The following TTYH3 variants were observed in gnomAD, a reference collection of about 807,000 sequenced individuals.
The protein encoded by TTYH3 is protein tweety homolog 3.
Under a neutral mutation model 68.2 loss-of-function variants are expected in TTYH3, and 23 were observed. The observed-to-expected ratio is 0.34, with a 90% CI of 0.24 to 0.48. TTYH3 has a LOEUF of 0.48. Ranked by LOEUF, TTYH3 falls within the 20% of genes least tolerant of loss-of-function variation. The pLI, the probability that TTYH3 is intolerant of heterozygous loss-of-function variation, is 0.99. For synonymous variants in TTYH3, 360 were observed against 332.8 expected (o/e 1.08, Z -0.89); for missense variants, 768 against 727.7 (o/e 1.06, Z -0.64).
chr7:2,638,467 A>G (rs1471217996), intron 1 of TTYH3, among the ~76,000 whole-genome samples: 4 of 151,956 alleles, frequency 2.6e-5, no homozygotes, highest in African/African-American at 9.7e-5. Context: ...CCTCAGCCCC[A>G]GGGCTGCCTC....
intron 1 of TTYH3, among the ~76,000 whole-genome samples, chr7:2,643,681 T>C (rs1684717123): frequency 6.6e-6 from 1 of 152,212 alleles, no homozygotes; most frequent in South Asian, 2.1e-4. Flanking sequence ...GCCTCCGTTT[T>C]CTCATCTGGC....
chr7:2,657,407 G>T (rs1046514345), intron 11 of TTYH3, among the ~76,000 whole-genome samples: 2 of 126,406 alleles, frequency 1.6e-5, no homozygotes, highest in Admixed American at 7.2e-5. Context: ...GGTGGTGGTG[G>T]TTGTGGTGGT....
rs536868882 is a variant in TTYH3, at chr7:2,655,293, G to A, written c.1021-799G>A. Among the ~76,000 whole-genome samples the A allele has an allele frequency of 2.0e-5, 3 of 152,224 alleles. No homozygotes were observed. The South Asian group carries it at 6.2e-4, about 32-fold the overall frequency. On this transcript the variant is annotated intron_variant, in intron 9 of 13. Coordinates refer to ENST00000258796, the MANE Select transcript of TTYH3 (RefSeq NM_025250.3). ...CCTGAGTAGCTGGGACTACAGGCGC[G>A]TGCCACCACGCCTGGCTAATTTTTG...
In TTYH3 at chr7:2,657,843, C is replaced by T. The variant is rs576909222; in HGVS notation, c.1251-443C>T. On this transcript the variant is annotated intron_variant, in intron 11 of 13. Coordinates refer to ENST00000258796, the MANE Select transcript of TTYH3 (RefSeq NM_025250.3). Reference sequence around the variant, plus strand: ...GAGGCTCCAAAGTGCCAGAGGCTCGCGCAGAGTGGAAGACAGAAAGCCAGA... The same window carrying T: ...GAGGCTCCAAAGTGCCAGAGGCTCGTGCAGAGTGGAAGACAGAAAGCCAGA... Among the ~76,000 whole-genome samples, 46 of 152,324 alleles carry T rather than the reference C, an allele frequency of 3.0e-4. 1 individual carries two copies. The East Asian group carries it at 6.2e-3, about 20-fold the overall frequency.
In TTYH3 at chr7:2,653,009, A is replaced by C. The variant is rs1052753169; in HGVS notation, c.1019A>C (p.Lys340Thr). The change falls in exon 9 of 14, where the codon AAG becomes ACG. Residue 340 changes from lysine (K) to threonine (T), a missense_variant and splice_region_variant. Physicochemically the swap from Lys to Thr is moderately conservative, Grantham distance 78. Transcript: ENST00000258796. Reference sequence around the variant, plus strand: ...GTCCCCTGGGAGCAGCCGGCCACTAAGGTGAGGGGCTGCGGGGTAGGCACT... The same window carrying C: ...GTCCCCTGGGAGCAGCCGGCCACTACGGTGAGGGGCTGCGGGGTAGGCACT... ...RTVPWEQPAT[K>T]DPLLRVQEVL... is the part of the protein sequence containing the mutation. The C allele has an allele frequency of 6.4e-7, 1 of 1,567,066 alleles. No homozygotes were observed. Among genetic ancestry groups the C allele is most frequent in the African/African-American group, 1.3e-5 (1 of 74,524 alleles).
rs1324679621 is a variant in TTYH3 at position 2,646,946 on chromosome 7, C to T, written c.217C>T (p.Arg73Cys). The stretch of plus-strand genomic sequence containing the variant: ...CTCCTTCTGGCTGTGCTGCCGGCGG[C>T]GCAAGAGCGAGGAGCACCTGGACGC... ...FYSFWLCCRR[R>C]KSEEHLDADC... The change falls in exon 2 of 14, where the codon CGC becomes TGC. Residue 73 changes from arginine (R) to cysteine (C), a missense_variant. Arg to Cys is a radical substitution (Grantham distance 180). Transcript: ENST00000258796. 5 of 1,600,260 alleles carry T rather than the reference C, an allele frequency of 3.1e-6. No homozygotes were observed. Among genetic ancestry groups the T allele is most frequent in the Middle Eastern group, 1.7e-4 (1 of 6,058 alleles).
At position 2,663,010 on chromosome 7, in the gene TTYH3, A is replaced by T. The variant is rs967242064; in HGVS notation, c.*1271A>T. ...TCCCTGTGGCCTCGGTCTCCTCCCC[A>T]TGAAGTGGGAGCGAGGCTCCCCAAT... On this transcript the variant is annotated 3_prime_UTR_variant, in exon 14 of 14. Coordinates refer to ENST00000258796, the MANE Select transcript of TTYH3 (RefSeq NM_025250.3). 1 of 152,270 alleles carries T rather than the reference A, an allele frequency of 6.6e-6. No homozygotes were observed. The highest frequency in any genetic ancestry group is 1.5e-5 in the Non-Finnish European group (1 of 68,076). The allele number at this position is 152,270 out of a possible 1,614,324, so 9.4% of individuals were successfully genotyped here.
intron 1 of TTYH3, among the ~76,000 whole-genome samples, chr7:2,638,320 T>G (rs1347343940): frequency 1.3e-5 from 2 of 152,120 alleles, no homozygotes; most frequent in Non-Finnish European, 2.9e-5. Context: ...ATAGACACGC[T>G]TGCTGCAGCT....
intron 13 of TTYH3, 123 bp downstream of exon 13, chr7:2,659,138 T>C: frequency 2.4e-6 from 2 of 818,730 alleles, no homozygotes; most frequent in Admixed American, 2.4e-5. Flanking sequence ...AGCTGTGAGC[T>C]GCCACCACCG....
intron 6 of TTYH3, 75 bp from the exon 7 acceptor site, chr7:2,649,838 A>T: frequency 6.5e-7 from 1 of 1,546,344 alleles, no homozygotes; most frequent in Admixed American, 1.7e-5. Flanking sequence ...ACTCCAGGGG[A>T]CGGGTTCTAC....
chr7:2,656,751 G>A (rs968751800), intron 11 of TTYH3, among the ~76,000 whole-genome samples: 1 of 152,202 alleles, frequency 6.6e-6, no homozygotes, highest in Non-Finnish European at 1.5e-5. Flanking sequence ...CAGCCTGGAG[G>A]AGCTCCCGGC....
chr7:2,661,457 C>T (rs1309357058), intron 13 of TTYH3, among the ~76,000 whole-genome samples: 1 of 152,136 alleles, frequency 6.6e-6, no homozygotes, highest in East Asian at 1.9e-4. Flanking sequence ...GGCTGCCCCT[C>T]CCTCAGCCTC....
Position 2,645,557 on chromosome 7 carries a change from A to G in TTYH3, c.124-1296A>G. On this transcript the variant is annotated intron_variant, in intron 1 of 13. Coordinates refer to ENST00000258796, the MANE Select transcript of TTYH3 (RefSeq NM_025250.3). The surrounding 1 kb of genome is among the most constrained non-coding windows in gnomAD (Gnocchi z 4.8). ...CTTTTGTGTTCAGAGACCTGGGGAG[A>G]GCCACACTGGAAGGCCGTGCTTGGA... The G allele has an allele frequency of 3.1e-6, 1 of 321,398 alleles. No individual in the cohort carries two copies. Among genetic ancestry groups the G allele is most frequent in the South Asian group, 2.5e-5 (1 of 40,688 alleles). 19.9% of individuals were successfully genotyped at this position (321,398 alleles called of 1,614,324 possible). A position where few individuals can be genotyped will look rare whatever the true frequency, so the allele number is the denominator to read the frequency against.
intron 7 of TTYH3, among the ~76,000 whole-genome samples, chr7:2,650,531 T>G (rs1001872827): frequency 6.6e-6 from 1 of 151,322 alleles, no homozygotes; most frequent in African/African-American, 2.4e-5. Context: ...TGAGCCGAGA[T>G]CGCACCACTG....
rs1445700125 is a variant in TTYH3, at chr7:2,646,850, C to G, written c.124-3C>G. 6.3e-7 allele frequency: 1 copy of G among 1,593,604 alleles called. No individual in the cohort carries two copies. The highest frequency in any genetic ancestry group is 8.5e-7 in the Non-Finnish European group (1 of 1,177,470). On this transcript the variant is annotated splice_region_variant and splice_polypyrimidine_tract_variant and intron_variant, in intron 1 of 13. Transcript: ENST00000258796. ...TCCAGCGCCGCTTCCTGCCTGCCCT[C>G]AGGCCCTGCTGCTCCTGGGGGCCGC...
At chr7:2,651,070 G>A (rs974605901) in intron 7 of TTYH3, among the ~76,000 whole-genome samples, 28 of 152,066 alleles carry the variant, frequency 1.8e-4, no homozygotes, top group African/African-American at 4.3e-4. Flanking sequence ...CGGCCCCCTC[G>A]GGAGGTTTGC....
chr7:2,634,406 C>T (rs7798792), intron 1 of TTYH3, among the ~76,000 whole-genome samples: 43,334 of 151,996 alleles, frequency 0.29, 6,379 homozygotes, highest in African/African-American at 0.37. Flanking sequence ...GGCAGGCGCC[C>T]CTTCCTGCCT....
intron 9 of TTYH3, 80 bp downstream of exon 9, chr7:2,653,090 A>C (rs1322530122): frequency 7.5e-6 from 10 of 1,334,466 alleles, no homozygotes; most frequent in Non-Finnish European, 1.0e-5. Context: ...GTGCAAACAC[A>C]GCTCAGGGCA....
intron 1 of TTYH3, among the ~76,000 whole-genome samples, chr7:2,633,338 C>T (rs12670408): frequency 0.6 from 90,681 of 151,958 alleles, 28,167 homozygotes; most frequent in African/African-American, 0.79. Flanking sequence ...TTCAGAACTG[C>T]GTTGTCTGTG....
Sources: gnomAD v4.1 joint callset for allele counts (sites outside exome capture counted in the v4.1 genomes callset) on GRCh38, gnomAD v4.1.1 for gene constraint, Gnocchi (gnomAD v3.1) non-coding constraint, MANE v1.5 for transcripts, NCBI Gene and HGNC (gene_info 2026-07-23, HGNC 2026-07-21) for gene names.